Variants in FABP2 observed in about 807,000 individuals in gnomAD.
FABP2 encodes fatty acid binding protein 2, also known as fatty acid-binding protein, intestinal.
FABP2 carries 11 observed loss-of-function variants against 16.1 expected under a neutral mutation model. That is an observed-to-expected ratio of 0.68 (90% confidence interval 0.43 to 1.13). FABP2 has a LOEUF of 1.13. Ranked by LOEUF, FABP2 falls within the 50% of genes most tolerant of loss-of-function variation. The pLI is 0.00. For synonymous variants in FABP2, 45 were observed against 50.9 expected, an observed-to-expected ratio of 0.88 and a Z score of 0.49; for missense variants, 146 against 155.1, an observed-to-expected ratio of 0.94 and a Z score of 0.31.
chr4:119,319,882 T>C (rs1338646707), intron 2 of FABP2, among the ~76,000 whole-genome samples: 2 of 152,014 alleles, frequency 1.3e-5, no homozygotes, highest in African/African-American at 2.4e-5. Flanking sequence ...AGAGTATGTG[T>C]TGATAACCAT....
Position 119,318,710 on chromosome 4 carries a change from C to T in FABP2, c.*331G>A, listed in dbSNP as rs74785845. Reference sequence around the variant, plus strand: ...CCTGAGTGAAAGAGTAAGACCCTCTCTCTACGAAAACAGTCTGTCAATTCA... The same window carrying T: ...CCTGAGTGAAAGAGTAAGACCCTCTTTCTACGAAAACAGTCTGTCAATTCA... On this transcript the variant is annotated 3_prime_UTR_variant, in exon 4 of 4. Coordinates refer to ENST00000274024, the MANE Select transcript of FABP2 (RefSeq NM_000134.4). 3.0e-3 allele frequency: 685 copies of T among 230,448 alleles called. 7 individuals are homozygous for T. The highest frequency in any genetic ancestry group is 0.015 in the African/African-American group (617 of 42,544). The allele number at this position is 230,448 out of a possible 1,614,324, so 14.3% of individuals were successfully genotyped here.
intron 3 of FABP2, 147 bp from the exon 4 acceptor site, chr4:119,319,238 A>G (rs935074596): frequency 1.3e-5 from 5 of 390,762 alleles, no homozygotes; most frequent in African/African-American, 8.4e-5. Context: ...AGTTTATACA[A>G]TTTTTTCTTG....
At chr4:119,319,180 G>T in intron 3 of FABP2, 89 bp from the exon 4 acceptor site, 1 of 592,244 alleles carries the variant, frequency 1.7e-6, no homozygotes, top group South Asian at 3.9e-5. Context: ...TACTATATGA[G>T]TTTATACTAT....
Position 119,317,526 on chromosome 4 carries a change from A to G in FABP2, c.*1515T>C, listed in dbSNP as rs529048383. The G allele has an allele frequency of 6.6e-6, 1 of 151,934 alleles. No individual in the cohort carries two copies. Among genetic ancestry groups the G allele is most frequent in the Non-Finnish European group, 1.5e-5 (1 of 67,916 alleles). The allele number at this position is 151,934 out of a possible 1,614,324, so 9.4% of individuals were successfully genotyped here. On this transcript the variant is annotated 3_prime_UTR_variant, in exon 4 of 4. Coordinates refer to ENST00000274024, the MANE Select transcript of FABP2 (RefSeq NM_000134.4). Reference sequence around the variant, plus strand: ...AGTATTCAGCTTTCAAAGATTACATACTCTCTATTCATTTTCATCAGGTAC... The same window carrying G: ...AGTATTCAGCTTTCAAAGATTACATGCTCTCTATTCATTTTCATCAGGTAC...
Position 119,320,665 on chromosome 4 carries a change from C to A in FABP2, c.240+5G>T. ...TGCATTGCTCATAAAAAAAAAAATT[C>A]TTACCCTGAGTTCAGTTCCGTCTGC... On this transcript the variant is annotated splice_donor_5th_base_variant and intron_variant, in intron 2 of 3. Transcript: ENST00000274024. 2 of 1,552,990 alleles carry A rather than the reference C, an allele frequency of 1.3e-6. No individual in the cohort carries two copies. Among genetic ancestry groups the A allele is most frequent in the Non-Finnish European group, 1.7e-6 (2 of 1,161,780 alleles).
At position 119,318,745 on chromosome 4, in the gene FABP2, AC is replaced by A. The variant is rs1372216532; in HGVS notation, c.*295del. On this transcript the variant is annotated 3_prime_UTR_variant, in exon 4 of 4. Transcript: ENST00000274024. ...ACAGTCTGTCAATTCATATTCACATACTTTTTCTTTTAAAAGGCAAGGCTAC... is the reference window on the plus strand; with the variant it reads ...ACAGTCTGTCAATTCATATTCACATATTTTTCTTTTAAAAGGCAAGGCTAC... 7.5e-6 allele frequency: 2 copies of A among 265,306 alleles called. No individual in the cohort carries two copies. Among genetic ancestry groups the A allele is most frequent in the African/African-American group, 4.6e-5 (2 of 43,862 alleles). 16.4% of individuals were successfully genotyped at this position (265,306 alleles called of 1,614,324 possible).
rs1194137449 is a variant in FABP2 at position 119,319,167 on chromosome 4, TTATAC to T, written c.349-81_349-77del. 5.1e-5 allele frequency: 41 copies of T among 808,614 alleles called. 1 individual carries two copies. The Admixed American group carries it at 6.0e-4, about 12-fold the overall frequency. The allele number at this position is 808,614 out of a possible 1,614,324, so 50.1% of individuals were successfully genotyped here. The stretch of plus-strand genomic sequence containing the variant: ...GTTAAGAAAAAGTAGTATTATAGTT[TTATAC>T]TATATGAGTTTATACTATTTTTATA... On this transcript the variant is annotated intron_variant, in intron 3 of 3. Coordinates refer to ENST00000274024, the MANE Select transcript of FABP2 (RefSeq NM_000134.4).
intron 3 of FABP2, 96 bp downstream of exon 3, chr4:119,319,440 A>T: frequency 1.5e-6 from 1 of 663,626 alleles, no homozygotes; most frequent in Non-Finnish European, 2.6e-6. Context: ...GAAAAGAAGT[A>T]GTCAGTTTAC....
Position 119,322,068 on chromosome 4 carries a change from C to G in FABP2, c.35G>C (p.Ser12Thr), listed in dbSNP as rs773013477. The change falls in exon 1 of 4, where the codon AGT becomes ACT. Residue 12 changes from serine to threonine, a missense_variant. Physicochemically the swap from Ser to Thr is moderately conservative, Grantham distance 58. Coordinates refer to ENST00000274024, the MANE Select transcript of FABP2 (RefSeq NM_000134.4). ...TTCCATGAACTTGTCATAGTTTTCA[C>G]TCCGGTCTACCTTCCAAGTGCTGTC... is the stretch of plus-strand genomic sequence containing the variant. ...AFDSTWKVDR[S>T]ENYDKFMEKM... is the part of the protein sequence containing the mutation. 1 of 1,613,506 alleles carries G rather than the reference C, an allele frequency of 6.2e-7. No homozygotes were observed. The highest frequency in any genetic ancestry group is 2.2e-5 in the East Asian group (1 of 44,838).
intron 3 of FABP2, 38 bp downstream of exon 3, chr4:119,319,498 T>C: frequency 7.9e-7 from 1 of 1,268,846 alleles, no homozygotes; most frequent in Non-Finnish European, 1.1e-6. Context: ...TGTAGTAATT[T>C]TTGCCTTTTG....
intron 3 of FABP2, 151 bp from the exon 4 acceptor site, chr4:119,319,242 T>A (rs1421831325): frequency 5.2e-6 from 2 of 387,804 alleles, no homozygotes; most frequent in Admixed American, 4.5e-5. Flanking sequence ...TATACAATTT[T>A]TTCTTGTACT....
Position 119,318,978 on chromosome 4 carries a change from G to A in FABP2, c.*63C>T. Reference sequence around the variant, plus strand: ...TATACTTGATGGGGTGAAATAAATAGTTCTGGTACAATATAGATCTTCTGT... The same window carrying A: ...TATACTTGATGGGGTGAAATAAATAATTCTGGTACAATATAGATCTTCTGT... On this transcript the variant is annotated 3_prime_UTR_variant, in exon 4 of 4. Transcript: ENST00000274024. The A allele has an allele frequency of 7.7e-7, 1 of 1,305,628 alleles. No individual in the cohort carries two copies. Among genetic ancestry groups the A allele is most frequent in the Non-Finnish European group, 1.1e-6 (1 of 922,982 alleles). 80.9% of individuals were successfully genotyped at this position (1,305,628 alleles called of 1,614,324 possible).
chr4:119,321,546 C>A (rs1001148356), intron 1 of FABP2, among the ~76,000 whole-genome samples: 1 of 152,060 alleles, frequency 6.6e-6, no homozygotes, highest in Non-Finnish European at 1.5e-5. Context: ...GAGAAAACTA[C>A]ACAGCTTCTC....
chr4:119,319,781 A>G (rs1175149097), intron 2 of FABP2, 138 bp from the exon 3 acceptor site: 2 of 330,488 alleles, frequency 6.1e-6, no homozygotes, highest in African/African-American at 4.3e-5. Context: ...TGATACTATT[A>G]TCTCTACTTT....
In FABP2 at chr4:119,318,833, G is replaced by A; in HGVS notation, c.*208C>T. 2.5e-6 allele frequency: 1 copy of A among 394,710 alleles called. No homozygotes were observed. The allele number at this position is 394,710 out of a possible 1,614,324, so 24.5% of individuals were successfully genotyped here. On this transcript the variant is annotated 3_prime_UTR_variant, in exon 4 of 4. Coordinates refer to ENST00000274024, the MANE Select transcript of FABP2 (RefSeq NM_000134.4). ...TTTTAAAATGTCACAAATTCTTTTAGTAAATATATATCTTAGAGAATATAA... is the reference window on the plus strand; with the variant it reads ...TTTTAAAATGTCACAAATTCTTTTAATAAATATATATCTTAGAGAATATAA...
chr4:119,321,358 C>T (rs1755666469), intron 1 of FABP2, among the ~76,000 whole-genome samples: 2 of 152,028 alleles, frequency 1.3e-5, no homozygotes, highest in Admixed American at 6.6e-5. Context: ...AAGCCAAAAT[C>T]ACTATAAGAA....
Position 119,321,023 on chromosome 4 carries a change from G to GA in FABP2, c.68-182dup, listed in dbSNP as rs1755660955. ...CAGGTTCAATCAGATCAAGAGAACT[G>GA]ATTAAAGTTGTTTTTCCATAACTTG... On this transcript the variant is annotated intron_variant, in intron 1 of 3. Coordinates refer to ENST00000274024, the MANE Select transcript of FABP2 (RefSeq NM_000134.4). 3.3e-5 allele frequency among the ~76,000 whole-genome samples: 5 copies of GA among 152,200 alleles called. No individual in the cohort carries two copies. The South Asian group carries it at 1.0e-3, about 32-fold the overall frequency.
rs1377531692 is a variant in FABP2 at position 119,318,751 on chromosome 4, T to C, written c.*290A>G. On this transcript the variant is annotated 3_prime_UTR_variant, in exon 4 of 4. Coordinates refer to ENST00000274024, the MANE Select transcript of FABP2 (RefSeq NM_000134.4). The stretch of plus-strand genomic sequence containing the variant: ...TGTCAATTCATATTCACATACTTTT[T>C]CTTTTAAAAGGCAAGGCTACATATA... 1 of 273,474 alleles carries C rather than the reference T, an allele frequency of 3.7e-6. No individual in the cohort carries two copies. The highest frequency in any genetic ancestry group is 6.9e-6 in the Non-Finnish European group (1 of 145,958). The allele number at this position is 273,474 out of a possible 1,614,324, so 16.9% of individuals were successfully genotyped here. A position where few individuals can be genotyped will look rare whatever the true frequency, so the allele number is the denominator to read the frequency against.
In FABP2 at chr4:119,322,103, G is replaced by T. The variant is rs1164352657; in HGVS notation, c.-1C>A. 1.2e-6 allele frequency: 2 copies of T among 1,612,322 alleles called. No homozygotes were observed. Among genetic ancestry groups the T allele is most frequent in the Non-Finnish European group, 1.7e-6 (2 of 1,179,078 alleles). ...CCTTCCAAGTGCTGTCAAACGCCAT[G>T]ATTTCAGTTGAGTCAGCCTCTAGGC... On this transcript the variant is annotated 5_prime_UTR_variant, in exon 1 of 4. Transcript: ENST00000274024.
Sources: allele counts gnomAD v4.1 joint callset (sites outside exome capture counted in the v4.1 genomes callset), GRCh38; gene constraint gnomAD v4.1.1; transcripts MANE v1.5; gene names NCBI Gene and HGNC (gene_info 2026-07-23, HGNC 2026-07-21).